The following ABCA13 variants were observed in gnomAD, a reference collection of about 807,000 sequenced individuals.
ABCA13 encodes the protein ATP-binding cassette sub-family A member 13.
ABCA13 carries 476 observed loss-of-function variants against 478.7 expected under a neutral mutation model. That is an observed-to-expected ratio of 0.99 (90% CI 0.92 to 1.07). The LOEUF is 1.07. Among genes scored for constraint, ABCA13 ranks in the 50% least tolerant of loss-of-function variants. ABCA13 has a pLI of 0.00. For missense variants in ABCA13, 6,060 were observed against 5,910.6 expected, an observed-to-expected ratio of 1.03 and a Z score of -0.83; for synonymous variants, 2,252 against 2,158.9, an observed-to-expected ratio of 1.04 and a Z score of -1.20.
At chr7:48,231,693 G>A (rs1007057595) in intron 7 of ABCA13, among the ~76,000 whole-genome samples, 1 of 151,010 alleles carries the variant, frequency 6.6e-6, no homozygotes, top group Non-Finnish European at 1.5e-5. Flanking sequence ...ATGGAGTCTC[G>A]CTCTTTTGCC....
intron 23 of ABCA13, among the ~76,000 whole-genome samples, chr7:48,300,150 A>G (rs1444947280): frequency 2.6e-5 from 4 of 152,200 alleles, no homozygotes; most frequent in Admixed American, 2.0e-4. Context: ...TATTTCTAGT[A>G]TCCTTTTCTT....
At chr7:48,606,220 C>T (rs567006578) in intron 58 of ABCA13, among the ~76,000 whole-genome samples, 8 of 152,282 alleles carry the variant, frequency 5.3e-5, no homozygotes, top group African/African-American at 1.7e-4. Flanking sequence ...TCTGTCCGTT[C>T]GTCAAACTTA....
intron 22 of ABCA13, among the ~76,000 whole-genome samples, chr7:48,297,738 A>C (rs1179899906): frequency 6.6e-6 from 1 of 152,034 alleles, no homozygotes; most frequent in Non-Finnish European, 1.5e-5. Flanking sequence ...AGTTTCTTAT[A>C]GCACTTGGTC....
intron 50 of ABCA13, 74 bp downstream of exon 50, chr7:48,508,123 G>C (rs1323227167): frequency 3.2e-6 from 5 of 1,587,094 alleles, no homozygotes; most frequent in South Asian, 2.3e-5. Flanking sequence ...AGGGATGGAG[G>C]GGGGCATTGG....
chr7:48,240,220 C>T (rs1010772749), intron 9 of ABCA13, among the ~76,000 whole-genome samples: 5 of 152,176 alleles, frequency 3.3e-5, no homozygotes, highest in Non-Finnish European at 7.3e-5. Context: ...TAAAGTCATC[C>T]GGCACTAAAA....
chr7:48,197,216 C>T (rs935600839), intron 2 of ABCA13, among the ~76,000 whole-genome samples: 2 of 152,134 alleles, frequency 1.3e-5, no homozygotes, highest in Non-Finnish European at 2.9e-5. Flanking sequence ...ATGTGAAAAC[C>T]GCTGTCAGGG....
intron 3 of ABCA13, among the ~76,000 whole-genome samples, chr7:48,206,662 T>C (rs1784966939): frequency 6.6e-6 from 1 of 152,196 alleles, no homozygotes; most frequent in Non-Finnish European, 1.5e-5. Context: ...TTAATTATTG[T>C]GGATACATAC....
chr7:48,450,696 C>A (rs897960389), intron 42 of ABCA13, among the ~76,000 whole-genome samples: 1 of 152,092 alleles, frequency 6.6e-6, no homozygotes, highest in African/African-American at 2.4e-5. Flanking sequence ...AACCCTCCCT[C>A]ATTTTTTGGT....
intron 16 of ABCA13, among the ~76,000 whole-genome samples, chr7:48,269,699 T>C (rs973732400): frequency 6.6e-6 from 1 of 152,200 alleles, no homozygotes; most frequent in Non-Finnish European, 1.5e-5. Flanking sequence ...CTGTGAAGAC[T>C]GCTAAAAATA....
intron 23 of ABCA13, among the ~76,000 whole-genome samples, chr7:48,307,826 G>A (rs1403828535): frequency 6.6e-6 from 1 of 151,980 alleles, no homozygotes; most frequent in African/African-American, 2.4e-5. Flanking sequence ...GATTACAGGT[G>A]TACGCCACCA....
chr7:48,454,676 T>A (rs1366517931), intron 42 of ABCA13, among the ~76,000 whole-genome samples: 1 of 150,812 alleles, frequency 6.6e-6, no homozygotes, highest in South Asian at 2.1e-4. Flanking sequence ...TAAGCTGGGG[T>A]TTTCCCAGGA....
chr7:48,254,588 A>G (rs1793105280), intron 15 of ABCA13, among the ~76,000 whole-genome samples: 2 of 152,150 alleles, frequency 1.3e-5, no homozygotes, highest in Admixed American at 6.5e-5. Flanking sequence ...TGTAGAGATA[A>G]TGCGACACTC....
At chr7:48,214,405 T>C (rs1562793960) in intron 3 of ABCA13, among the ~76,000 whole-genome samples, 3 of 152,204 alleles carry the variant, frequency 2.0e-5, no homozygotes, top group Non-Finnish European at 4.4e-5. Flanking sequence ...TCACCAGCTG[T>C]GTTAGCCCCT....
intron 33 of ABCA13, 24 bp from the exon 34 acceptor site, chr7:48,374,323 T>A: frequency 6.3e-7 from 1 of 1,598,562 alleles, no homozygotes; most frequent in Non-Finnish European, 8.5e-7. Context: ...AACGTGCAGT[T>A]TTTCTCCATC....
intron 48 of ABCA13, among the ~76,000 whole-genome samples, chr7:48,500,323 A>G (rs183461602): frequency 1.3e-5 from 2 of 152,280 alleles, no homozygotes; most frequent in East Asian, 1.9e-4. Context: ...ATGCCGTTGC[A>G]ATTGCTCCTA....
chr7:48,247,722 A>G (rs1584425987), intron 13 of ABCA13, among the ~76,000 whole-genome samples: 1 of 152,030 alleles, frequency 6.6e-6, no homozygotes, highest in African/African-American at 2.4e-5. Flanking sequence ...TAACCTCTCC[A>G]TATGGCCTTT....
intron 55 of ABCA13, among the ~76,000 whole-genome samples, chr7:48,554,505 A>G (rs915811524): frequency 1.3e-5 from 2 of 151,552 alleles, no homozygotes; most frequent in Non-Finnish European, 1.5e-5. Flanking sequence ...TTCTTTCACC[A>G]ATGTTTTGCC....
intron 56 of ABCA13, among the ~76,000 whole-genome samples, chr7:48,584,727 T>C (rs1217383065): frequency 6.6e-6 from 1 of 151,622 alleles, no homozygotes; most frequent in Non-Finnish European, 1.5e-5. Context: ...TTTCAGTGTT[T>C]GCTATTAGAA....
At chr7:48,560,441 C>G (rs61602397) in intron 55 of ABCA13, among the ~76,000 whole-genome samples, 21,074 of 152,146 alleles carry the variant, frequency 0.14, 1,824 homozygotes, top group African/African-American at 0.23. Flanking sequence ...CTCTCCCACC[C>G]TCTTCAGTGC....
Sources: gnomAD v4.1 joint callset for allele counts (sites outside exome capture counted in the v4.1 genomes callset) on GRCh38, gnomAD v4.1.1 for gene constraint, MANE v1.5 for transcripts, NCBI Gene and HGNC (gene_info 2026-07-23, HGNC 2026-07-21) for gene names.